Variants in PTH2R observed in about 807,000 individuals in gnomAD.
PTH2R encodes parathyroid hormone 2 receptor.
PTH2R carries 59 observed loss-of-function variants against 60.3 expected under a neutral mutation model. That is an observed-to-expected ratio of 0.98 (90% CI 0.79 to 1.22). The LOEUF (loss-of-function observed/expected upper bound fraction) is 1.22. Ranked by LOEUF, PTH2R falls within the 50% of genes most tolerant of loss-of-function variation. The pLI, the probability that PTH2R is intolerant of heterozygous loss-of-function variation, is 0.00. For missense variants in PTH2R, 749 were observed against 682.6 expected, an observed-to-expected ratio of 1.10 and a Z score of -1.08; for synonymous variants, 256 against 243.8, an observed-to-expected ratio of 1.05 and a Z score of -0.47.
rs964188048 is a variant in PTH2R at position 208,468,102 on chromosome 2, C to T, written c.981+8141C>T. On this transcript the variant is annotated intron_variant, in intron 9 of 12. Coordinates refer to ENST00000272847, the MANE Select transcript of PTH2R (RefSeq NM_005048.4). ...CCTATATATTTTCCTCCTGGGATTT[C>T]AGGCCACATTATTAGGGACCATGAA... Among the ~76,000 whole-genome samples the T allele has an allele frequency of 3.3e-5, 5 of 152,118 alleles. No homozygotes were observed. The South Asian group carries it at 1.0e-3, about 31-fold the overall frequency.
At chr2:208,449,229 C>G (rs1702350494) in intron 7 of PTH2R, among the ~76,000 whole-genome samples, 4 of 152,164 alleles carry the variant, frequency 2.6e-5, no homozygotes, top group Admixed American at 2.6e-4. Context: ...AAGCAGCTGT[C>G]CCCTCCCCAT....
chr2:208,372,529 AC>A (rs1236512710), intron 1 of PTH2R, among the ~76,000 whole-genome samples: 12 of 152,104 alleles, frequency 7.9e-5, no homozygotes, highest in African/African-American at 2.9e-4. Flanking sequence ...ACAAGTAGGT[AC>A]ATTTTTAGAA....
intron 4 of PTH2R, 149 bp from the exon 5 acceptor site, chr2:208,442,214 TC>T: frequency 1.6e-6 from 1 of 630,452 alleles, no homozygotes. Context: ...AAATGCTCAC[TC>T]CAGATCTCTA....
intron 1 of PTH2R, 103 bp from the exon 2 acceptor site, chr2:208,428,098 A>G: frequency 1.2e-6 from 1 of 822,314 alleles, no homozygotes; most frequent in Non-Finnish European, 1.9e-6. Context: ...ATAGCTTGAT[A>G]TCAAACTCAT....
intron 1 of PTH2R, among the ~76,000 whole-genome samples, chr2:208,386,534 G>C (rs1383821632): frequency 1.3e-5 from 2 of 152,184 alleles, no homozygotes; most frequent in Non-Finnish European, 2.9e-5. Context: ...GTGTGATACA[G>C]ACAGAACCTG....
chr2:208,390,101 C>A (rs941188422), intron 1 of PTH2R, among the ~76,000 whole-genome samples: 1 of 151,352 alleles, frequency 6.6e-6, no homozygotes, highest in Non-Finnish European at 1.5e-5. Flanking sequence ...TTTAGATGAC[C>A]CTTGTTGCAC....
chr2:208,362,680 GTAAA>G (rs1193340950), intron 1 of PTH2R, among the ~76,000 whole-genome samples: 1 of 152,188 alleles, frequency 6.6e-6, no homozygotes, highest in Non-Finnish European at 1.5e-5. Context: ...GTTCTTTTGG[GTAAA>G]TACCCAGAAG....
At chr2:208,480,995 T>C in intron 9 of PTH2R, 75 bp from the exon 10 acceptor site, 1 of 1,127,262 alleles carries the variant, frequency 8.9e-7, no homozygotes, top group Non-Finnish European at 1.3e-6. Flanking sequence ...ATGGAAAAAA[T>C]TTCAATTTAT....
In PTH2R at chr2:208,418,282, C is replaced by T. The variant is rs546507989; in HGVS notation, c.76-9919C>T. Among the ~76,000 whole-genome samples, 9 of 151,166 alleles carry T rather than the reference C, an allele frequency of 6.0e-5. No individual in the cohort carries two copies. In the East Asian group the frequency reaches 7.8e-4, roughly 13 times the overall value. On this transcript the variant is annotated intron_variant, in intron 1 of 12. Transcript: ENST00000272847. ...AATATACCATATACTTATCAAAGGA[C>T]GATAAAGGGAATGTCTCATATTTTC...
intron 3 of PTH2R, 44 bp downstream of exon 3, chr2:208,437,691 C>T: frequency 1.9e-6 from 3 of 1,602,532 alleles, no homozygotes; most frequent in Non-Finnish European, 2.6e-6. Context: ...CAAACATTTA[C>T]TTGTCCATTT....
chr2:208,444,776 G>A lies in PTH2R; in HGVS notation c.742G>A (p.Ala248Thr). The change falls in exon 7 of 13, where the codon GCT (alanine) becomes ACT (threonine). Residue 248 changes from alanine to threonine, a missense_variant. Coordinates refer to ENST00000272847, the MANE Select transcript of PTH2R (RefSeq NM_005048.4). ...IAVVMFIYFL[A>T]TNYYWILVEG... The stretch of plus-strand genomic sequence containing the variant: ...TGTTGTGATGTTTATTTACTTCCTG[G>A]CTACAAATTATTATTGGATCCTGGT... The A allele has an allele frequency of 6.2e-7, 1 of 1,613,646 alleles. No individual in the cohort carries two copies. The highest frequency in any genetic ancestry group is 8.5e-7 in the Non-Finnish European group (1 of 1,179,794).
intron 10 of PTH2R, among the ~76,000 whole-genome samples, chr2:208,487,973 T>C (rs1046299551): frequency 6.6e-6 from 1 of 152,272 alleles, no homozygotes; most frequent in South Asian, 2.1e-4. Context: ...CATAATCTAC[T>C]GGTTAGACAC....
chr2:208,494,095 C>A lies in PTH2R; in HGVS notation c.*436C>A, dbSNP rs367646562. ...TACTTCTATCACTGCATTTATTTTG[C>A]CTGTGCATAGGAGCAATTAGGATCT... On this transcript the variant is annotated 3_prime_UTR_variant, in exon 13 of 13. Transcript: ENST00000272847. The A allele has an allele frequency of 6.5e-6, 1 of 152,968 alleles. No homozygotes were observed. Among genetic ancestry groups the A allele is most frequent in the Non-Finnish European group, 1.5e-5 (1 of 68,732 alleles). The allele number at this position is 152,968 out of a possible 1,614,324, so 9.5% of individuals were successfully genotyped here.
intron 1 of PTH2R, among the ~76,000 whole-genome samples, chr2:208,400,662 A>T (rs890073266): frequency 6.6e-6 from 1 of 152,234 alleles, no homozygotes; most frequent in African/African-American, 2.4e-5. Flanking sequence ...AAATCATTTT[A>T]GACATGGATG....
chr2:208,444,014 A>G (rs934279032), intron 6 of PTH2R, among the ~76,000 whole-genome samples: 2 of 152,240 alleles, frequency 1.3e-5, no homozygotes, highest in Non-Finnish European at 2.9e-5. Context: ...TAATTCACTC[A>G]ATTAGATCAT....
At chr2:208,390,622 C>A (rs1436625020) in intron 1 of PTH2R, among the ~76,000 whole-genome samples, 1 of 152,168 alleles carries the variant, frequency 6.6e-6, no homozygotes, top group African/African-American at 2.4e-5. Flanking sequence ...CTGTTAGTAA[C>A]CATTATTCCT....
At chr2:208,388,142 C>CCG (rs1701040586) in intron 1 of PTH2R, among the ~76,000 whole-genome samples, 1 of 148,432 alleles carries the variant, frequency 6.7e-6, no homozygotes, top group South Asian at 2.2e-4. Flanking sequence ...ACCCCCCCCC[C>CCG]CGTCTCTACT....
At chr2:208,447,198 C>T (rs1384939284) in intron 7 of PTH2R, among the ~76,000 whole-genome samples, 1 of 152,118 alleles carries the variant, frequency 6.6e-6, no homozygotes, top group Non-Finnish European at 1.5e-5. Context: ...TCTTGAACCC[C>T]TGGCCTCAAG....
Position 208,443,438 on chromosome 2 carries a change from A to T in PTH2R, c.600A>T (p.Val200=), listed in dbSNP as rs775016213. Residue 200 remains valine, a synonymous_variant, in exon 6 of 13, where the codon GTA becomes GTT. Coordinates refer to ENST00000272847, the MANE Select transcript of PTH2R (RefSeq NM_005048.4). ...RATSIFVKDR[V]VHAHIGVKEL... is the part of the protein sequence containing the mutation. ...CAAGCATCTTTGTCAAAGACAGAGTAGTCCATGCTCACATAGGAGTAAAGG... is the reference window on the plus strand; with the variant it reads ...CAAGCATCTTTGTCAAAGACAGAGTTGTCCATGCTCACATAGGAGTAAAGG... 2 of 1,613,788 alleles carry T rather than the reference A, an allele frequency of 1.2e-6. No homozygotes were observed.
Sources: gnomAD v4.1 joint callset for allele counts (sites outside exome capture counted in the v4.1 genomes callset) on GRCh38, gnomAD v4.1.1 for gene constraint, MANE v1.5 for transcripts, NCBI Gene and HGNC (gene_info 2026-07-23, HGNC 2026-07-21) for gene names.